KAZN: variants seen among roughly 807,000 people sequenced by gnomAD.
KAZN encodes kazrin.
KAZN carries 40 observed loss-of-function variants against 87.4 expected under a neutral mutation model. The ratio of observed to expected loss-of-function variants is 0.46; its 90% CI spans 0.36 to 0.60. The LOEUF is 0.60. Among genes scored for constraint, KAZN ranks in the 20% least tolerant of loss-of-function variants. KAZN has a pLI of 0.00. For missense variants in KAZN, 898 were observed against 1,073.9 expected (o/e 0.84, Z 2.29); for synonymous variants, 466 against 458.3 (o/e 1.02, Z -0.22).
intron 2 of KAZN, among the ~76,000 whole-genome samples, chr1:14,504,878 G>A (rs1670467603): frequency 6.6e-6 from 1 of 152,186 alleles, no homozygotes; most frequent in Non-Finnish European, 1.5e-5. Flanking sequence ...AACTAGAATT[G>A]TTTAGGTTGC....
At chr1:14,796,575 C>T (rs906230084) in intron 1 of KAZN, among the ~76,000 whole-genome samples, 1 of 152,202 alleles carries the variant, frequency 6.6e-6, no homozygotes, top group Non-Finnish European at 1.5e-5. Context: ...CTCCAGGATG[C>T]GTTTCTGTTA....
At chr1:14,200,843 G>T (rs1002639881) in intron 2 of KAZN, among the ~76,000 whole-genome samples, 1 of 151,520 alleles carries the variant, frequency 6.6e-6, no homozygotes, top group African/African-American at 2.4e-5. Context: ...AAGAGTCTTG[G>T]TTACTTTTTT....
At chr1:14,506,611 G>A (rs924200396) in intron 2 of KAZN, among the ~76,000 whole-genome samples, 1 of 152,112 alleles carries the variant, frequency 6.6e-6, no homozygotes, top group African/African-American at 2.4e-5. Flanking sequence ...ATTTATCTGG[G>A]TGGCTGTTGT....
At chr1:14,618,591 T>C (rs1332029477) in intron 1 of KAZN, among the ~76,000 whole-genome samples, 3 of 152,186 alleles carry the variant, frequency 2.0e-5, no homozygotes, top group South Asian at 4.1e-4. Context: ...CTCACATTGT[T>C]TTATTAGTAG....
At chr1:13,979,262 A>T (rs538897756) in intron 1 of KAZN, among the ~76,000 whole-genome samples, 20 of 152,308 alleles carry the variant, frequency 1.3e-4, no homozygotes, top group Admixed American at 7.8e-4. Flanking sequence ...TCCATCACAT[A>T]CAAAAAGGAA....
chr1:14,243,189 T>G lies in KAZN; in HGVS notation c.249+62597T>G, dbSNP rs150044109. ...GTTTTGTTCGCCATTATTCCTTCTC[T>G]TGGGCTCTCTCCAGAAACCCAGCAT... On this transcript the variant is annotated intron_variant, in intron 2 of 16. Transcript: ENST00000636203. Among the ~76,000 whole-genome samples, 16 of 152,290 alleles carry G rather than the reference T, an allele frequency of 1.1e-4. No homozygotes were observed. The East Asian group carries it at 3.1e-3, about 30-fold the overall frequency.
intron 2 of KAZN, among the ~76,000 whole-genome samples, chr1:15,003,705 C>T (rs1430066541): frequency 6.6e-6 from 1 of 152,072 alleles, no homozygotes; most frequent in African/African-American, 2.4e-5. Context: ...GCATTGCCTT[C>T]GGGTCATCAG....
At chr1:14,681,136 C>T (rs1640544838) in intron 1 of KAZN, among the ~76,000 whole-genome samples, 1 of 152,126 alleles carries the variant, frequency 6.6e-6, no homozygotes, top group African/African-American at 2.4e-5. Context: ...CTGAGGGATC[C>T]GCCCCCATGA....
intron 1 of KAZN, among the ~76,000 whole-genome samples, chr1:14,010,217 A>T (rs1431994166): frequency 6.6e-6 from 1 of 152,212 alleles, no homozygotes; most frequent in African/African-American, 2.4e-5. Flanking sequence ...CACTTCAAAT[A>T]AAACCATCCA....
chr1:14,844,098 T>G (rs768013606), intron 1 of KAZN, among the ~76,000 whole-genome samples: 7 of 152,214 alleles, frequency 4.6e-5, no homozygotes, highest in Non-Finnish European at 7.3e-5. Flanking sequence ...ATGTATGCTT[T>G]GAGCTCTCAT....
intron 1 of KAZN, among the ~76,000 whole-genome samples, chr1:14,617,493 TA>T (rs1179554747): frequency 2.0e-5 from 3 of 152,112 alleles, no homozygotes; most frequent in African/African-American, 4.8e-5. Context: ...CTTTGATTTG[TA>T]AAAAACAAAA....
chr1:14,198,033 G>C (rs2100393088), intron 2 of KAZN, among the ~76,000 whole-genome samples: 1 of 134,554 alleles, frequency 7.4e-6, no homozygotes, highest in South Asian at 2.4e-4. Context: ...TAACAGAGTA[G>C]TAGTAGTAGT....
At chr1:14,945,923 C>G (rs1661718909) in intron 1 of KAZN, 4 of 985,448 alleles carry the variant, frequency 4.1e-6, no homozygotes, top group Non-Finnish European at 4.8e-6. Context: ...GTGATGGCAT[C>G]AGCAGCTGTC....
chr1:14,942,235 C>A (rs1171391367), intron 1 of KAZN, among the ~76,000 whole-genome samples: 1 of 152,160 alleles, frequency 6.6e-6, no homozygotes, highest in Non-Finnish European at 1.5e-5. Context: ...CATATTTGTC[C>A]CCTGTCCTCC....
intron 1 of KAZN, among the ~76,000 whole-genome samples, chr1:14,117,232 A>G (rs1032867437): frequency 5.9e-5 from 9 of 152,186 alleles, no homozygotes; most frequent in African/African-American, 1.9e-4. Flanking sequence ...CTGTGTCCCC[A>G]TCCAAATCTC....
intron 2 of KAZN, among the ~76,000 whole-genome samples, chr1:14,541,347 G>A (rs1672798275): frequency 6.6e-6 from 1 of 152,154 alleles, no homozygotes; most frequent in South Asian, 2.1e-4. Flanking sequence ...GGTGATTTGT[G>A]GATATACAAT....
chr1:14,352,337 A>T (rs1658616886), intron 2 of KAZN, among the ~76,000 whole-genome samples: 1 of 152,130 alleles, frequency 6.6e-6, no homozygotes, highest in African/African-American at 2.4e-5. Context: ...GGCTCCAGAG[A>T]ACTGACAGAG....
intron 2 of KAZN, among the ~76,000 whole-genome samples, chr1:14,526,904 G>A (rs1371549451): frequency 6.6e-6 from 1 of 152,216 alleles, no homozygotes; most frequent in Non-Finnish European, 1.5e-5. Flanking sequence ...GGCCACCAGA[G>A]GAGATGTTAT....
intron 1 of KAZN, among the ~76,000 whole-genome samples, chr1:14,860,126 C>T (rs968122296): frequency 3.4e-5 from 5 of 147,296 alleles, no homozygotes; most frequent in African/African-American, 8.1e-5. Context: ...CTTCCTTCTT[C>T]CTTCCTTCCT....
Sources: allele counts gnomAD v4.1 joint callset (sites outside exome capture counted in the v4.1 genomes callset), GRCh38; gene constraint gnomAD v4.1.1; transcripts MANE v1.5; gene names NCBI Gene and HGNC (gene_info 2026-07-23, HGNC 2026-07-21).